NME7: variants seen among roughly 807,000 people sequenced by gnomAD.
NME7 encodes the protein NME/NM23 family member 7.
Under a neutral mutation model 49.1 loss-of-function variants are expected in NME7, and 41 were observed. The ratio of observed to expected loss-of-function variants is 0.83; its 90% CI spans 0.65 to 1.08. NME7 has a LOEUF of 1.08. Among genes scored for constraint, NME7 ranks in the 50% least tolerant of loss-of-function variants. The pLI, the probability that NME7 is intolerant of heterozygous loss-of-function variation, is 0.00. For synonymous variants in NME7, 139 were observed against 150.6 expected, an observed-to-expected ratio of 0.92 and a Z score of 0.56; for missense variants, 423 against 463.4, an observed-to-expected ratio of 0.91 and a Z score of 0.80.
At chr1:169,141,893 T>A (rs1158204295) in intron 11 of NME7, among the ~76,000 whole-genome samples, 2 of 152,166 alleles carry the variant, frequency 1.3e-5, no homozygotes, top group Non-Finnish European at 2.9e-5. Flanking sequence ...TGGAAAGAAA[T>A]TGTGAAAGCA....
intron 6 of NME7, among the ~76,000 whole-genome samples, chr1:169,287,970 C>T (rs1433731403): frequency 6.6e-6 from 1 of 150,642 alleles, no homozygotes; most frequent in African/African-American, 2.4e-5. Flanking sequence ...GACAACACAA[C>T]AATTTGAACT....
intron 10 of NME7, among the ~76,000 whole-genome samples, chr1:169,185,726 G>T: frequency 6.6e-6 from 1 of 152,160 alleles, no homozygotes; most frequent in East Asian, 1.9e-4. Flanking sequence ...TAAGAGCACA[G>T]ATCAGAACTG....
At chr1:169,248,867 G>A (rs1451639579) in intron 7 of NME7, among the ~76,000 whole-genome samples, 2 of 144,406 alleles carry the variant, frequency 1.4e-5, no homozygotes, top group South Asian at 4.4e-4. Flanking sequence ...CACTATTTTT[G>A]TAACTACAGC....
intron 7 of NME7, among the ~76,000 whole-genome samples, chr1:169,281,750 T>A (rs1326285574): frequency 1.3e-5 from 2 of 152,188 alleles, no homozygotes. Context: ...ATGAATTACG[T>A]TTATCGATTT....
intron 7 of NME7, among the ~76,000 whole-genome samples, chr1:169,246,195 A>C (rs895387120): frequency 2.0e-5 from 3 of 152,168 alleles, no homozygotes; most frequent in African/African-American, 7.2e-5. Flanking sequence ...AGTCCCAGAT[A>C]CTCAGGAGGC....
At chr1:169,321,815 C>CA in intron 3 of NME7, among the ~76,000 whole-genome samples, 1 of 152,056 alleles carries the variant, frequency 6.6e-6, no homozygotes, top group African/African-American at 2.4e-5. Flanking sequence ...TAGTAGATCT[C>CA]AAAAAATAGT....
intron 11 of NME7, among the ~76,000 whole-genome samples, chr1:169,163,614 T>C (rs1327105694): frequency 6.6e-6 from 1 of 152,138 alleles, no homozygotes; most frequent in Non-Finnish European, 1.5e-5. Context: ...AAGGATTAGA[T>C]GGTAGTAATA....
rs1647953972 is a variant in NME7 at position 169,238,493 on chromosome 1, A to ACACACACACG, written c.755-807_755-806insCGTGTGTGTG. 7.8e-5 allele frequency among the ~76,000 whole-genome samples: 11 copies of ACACACACACG among 140,972 alleles called. No homozygotes were observed. The South Asian group carries it at 2.4e-3, about 30-fold the overall frequency. 92.5% of individuals were successfully genotyped at this position (140,972 alleles called of 152,430 possible). A position where few individuals can be genotyped will look rare whatever the true frequency, so the allele number is the denominator to read the frequency against. On this transcript the variant is annotated intron_variant, in intron 7 of 11. Coordinates refer to ENST00000367811, the MANE Select transcript of NME7 (RefSeq NM_013330.5). ...TGCACAAAGGCACACACACACACAC[A>ACACACACACG]CACACACACACACACACACACACCA...
At chr1:169,223,748 A>C (rs2101809495) in intron 10 of NME7, among the ~76,000 whole-genome samples, 1 of 152,226 alleles carries the variant, frequency 6.6e-6, no homozygotes, top group South Asian at 2.1e-4. Context: ...GTTCTTTGCT[A>C]TGGAATATGT....
At chr1:169,177,788 C>G (rs1232324777) in intron 10 of NME7, among the ~76,000 whole-genome samples, 1 of 152,118 alleles carries the variant, frequency 6.6e-6, no homozygotes. Flanking sequence ...TTTCCTACCT[C>G]AAGCATGAAA....
At chr1:169,226,287 G>T (rs1055561247) in intron 10 of NME7, among the ~76,000 whole-genome samples, 6 of 152,132 alleles carry the variant, frequency 3.9e-5, no homozygotes, top group Non-Finnish European at 8.8e-5. Context: ...CCTAGAGCTA[G>T]ATCATACATT....
At chr1:169,214,917 G>C (rs1262627014) in intron 10 of NME7, among the ~76,000 whole-genome samples, 2 of 152,234 alleles carry the variant, frequency 1.3e-5, no homozygotes, top group African/African-American at 4.8e-5. Flanking sequence ...TACCAGCTCA[G>C]TGGGCCCTTT....
chr1:169,260,323 T>C lies in NME7; in HGVS notation c.755-22636A>G, dbSNP rs997121935. On this transcript the variant is annotated intron_variant, in intron 7 of 11. Transcript: ENST00000367811. ...ATTATTTGGAAACCCAAGCTTTTCA[T>C]AGACTTTTCTGAAAGATACTACCTT... Among the ~76,000 whole-genome samples, 71 of 133,578 alleles carry C rather than the reference T, an allele frequency of 5.3e-4. 8 individuals carry two copies. The highest frequency in any genetic ancestry group is 1.8e-3 in the African/African-American group (70 of 39,586). 87.6% of individuals were successfully genotyped at this position (133,578 alleles called of 152,430 possible).
At chr1:169,156,638 T>C (rs1240885614) in intron 11 of NME7, among the ~76,000 whole-genome samples, 1 of 152,232 alleles carries the variant, frequency 6.6e-6, no homozygotes, top group African/African-American at 2.4e-5. Context: ...GCTTGTTACT[T>C]TTCAGATTCA....
intron 11 of NME7, among the ~76,000 whole-genome samples, chr1:169,167,870 C>T (rs569281501): frequency 5.3e-5 from 8 of 152,278 alleles, no homozygotes; most frequent in African/African-American, 1.9e-4. Context: ...TGTTAGCTAT[C>T]ACTTTGAGTG....
intron 11 of NME7, among the ~76,000 whole-genome samples, chr1:169,135,014 C>CAAAAA (rs58463903): frequency 0.016 from 793 of 50,336 alleles, 134 homozygotes; most frequent in African/African-American, 0.044. Flanking sequence ...CCCGTCTCTA[C>CAAAAA]AAAAAAAAAA....
intron 7 of NME7, among the ~76,000 whole-genome samples, chr1:169,276,403 C>T (rs569434122): frequency 7.6e-6 from 1 of 132,366 alleles, no homozygotes; most frequent in African/African-American, 2.6e-5. Context: ...ACTTCTTCCT[C>T]GTTTAGTCTT....
chr1:169,163,633 T>C (rs935172027), intron 11 of NME7, among the ~76,000 whole-genome samples: 8 of 152,112 alleles, frequency 5.3e-5, no homozygotes, highest in Non-Finnish European at 1.2e-4. Flanking sequence ...TAAATGAATG[T>C]TGATTTCCTT....
At chr1:169,266,457 A>G (rs1649323331) in intron 7 of NME7, among the ~76,000 whole-genome samples, 1 of 133,996 alleles carries the variant, frequency 7.5e-6, no homozygotes, top group African/African-American at 2.5e-5. Context: ...CTTCAAAATA[A>G]TAATAGTCAT....
Sources: allele counts gnomAD v4.1 joint callset (sites outside exome capture counted in the v4.1 genomes callset), GRCh38; gene constraint gnomAD v4.1.1; transcripts MANE v1.5; gene names NCBI Gene and HGNC (gene_info 2026-07-23, HGNC 2026-07-21).